Variants in ZPLD1 observed in about 807,000 individuals in gnomAD.
The protein encoded by ZPLD1 is zona pellucida like domain containing 1.
In ZPLD1, 34 loss-of-function variants were observed where a neutral mutation model predicts 47.2. The observed-to-expected ratio is 0.72, with a 90% confidence interval of 0.55 to 0.96. The LOEUF (loss-of-function observed/expected upper bound fraction) is 0.96, where lower values mean the gene tolerates loss of function less well. Ranked by LOEUF, ZPLD1 falls within the 40% of genes least tolerant of loss-of-function variation. The pLI is 0.00. For missense variants in ZPLD1, 512 were observed against 505.8 expected, an observed-to-expected ratio of 1.01 and a Z score of -0.12; for synonymous variants, 176 against 186.2, an observed-to-expected ratio of 0.95 and a Z score of 0.45.
chr3:102,456,795 C>T (rs546646201), intron 5 of ZPLD1, among the ~76,000 whole-genome samples: 280 of 152,296 alleles, frequency 1.8e-3, no homozygotes, highest in South Asian at 4.8e-3. Context: ...CTTGGCTTCC[C>T]TCTTGGCCAT....
chr3:102,431,338 A>T (rs1341661308), upstream of ZPLD1, among the ~76,000 whole-genome samples: 1 of 152,090 alleles, frequency 6.6e-6, no homozygotes, highest in African/African-American at 2.4e-5. Context: ...TTGGCTCAAC[A>T]TATTTCCTTC....
At chr3:102,386,009 G>A (rs1054998320) in intron 6 of ZPLD1, among the ~76,000 whole-genome samples, 3 of 152,016 alleles carry the variant, frequency 2.0e-5, no homozygotes, top group South Asian at 4.2e-4. Flanking sequence ...GGGTTTCTTC[G>A]AACCGGTAGT....
At chr3:102,402,699 C>CT (rs1706635645) in intron 7 of ZPLD1, among the ~76,000 whole-genome samples, 1 of 151,892 alleles carries the variant, frequency 6.6e-6, no homozygotes, top group South Asian at 2.1e-4. Flanking sequence ...AATGAGAATG[C>CT]TTTTTAAATG....
At position 102,417,395 on chromosome 3, in the gene ZPLD1, C is replaced by G. The variant is rs1251981728; in HGVS notation, c.-156-665C>G. 2.0e-5 allele frequency among the ~76,000 whole-genome samples: 3 copies of G among 151,982 alleles called. No homozygotes were observed. The East Asian group carries it at 5.8e-4, about 29-fold the overall frequency. ...GTGGTGCCTGTGTCGCAGGTTCCCA[C>G]TCTTCTTTCCAAAGAGGAATCATAA... On this transcript the variant is annotated intron_variant, in intron 7 of 17. Transcript: ENST00000491959.
intron 3 of ZPLD1, among the ~76,000 whole-genome samples, chr3:102,451,981 T>C (rs564994715): frequency 6.6e-6 from 1 of 152,200 alleles, no homozygotes; most frequent in Admixed American, 6.5e-5. Context: ...TAATTCAACC[T>C]ATAGCAATTA....
chr3:102,440,426 A>C (rs931549757), intron 3 of ZPLD1, among the ~76,000 whole-genome samples: 5 of 152,152 alleles, frequency 3.3e-5, no homozygotes, highest in Non-Finnish European at 7.4e-5. Context: ...AGATTAAAGG[A>C]TGTTTTTAAC....
At chr3:102,401,805 T>G (rs1706623023) in intron 7 of ZPLD1, among the ~76,000 whole-genome samples, 1 of 152,134 alleles carries the variant, frequency 6.6e-6, no homozygotes, top group Admixed American at 6.6e-5. Flanking sequence ...ATTTAAATTC[T>G]TAAGCTGTTG....
Position 102,471,243 on chromosome 3 carries a change from G to T in ZPLD1, c.1042+741G>T, listed in dbSNP as rs749545901. 7.0e-4 allele frequency among the ~76,000 whole-genome samples: 107 copies of T among 152,170 alleles called. 1 individual carries two copies. Among genetic ancestry groups the T allele is most frequent in the Non-Finnish European group, 2.6e-4 (18 of 68,016 alleles). Reference sequence around the variant, plus strand: ...TGCTGTAAGCAGATGGGAGGGCACAGAAATTGTGGCGTCCACAGGGCTCCT... The same window carrying T: ...TGCTGTAAGCAGATGGGAGGGCACATAAATTGTGGCGTCCACAGGGCTCCT... On this transcript the variant is annotated intron_variant, in intron 10 of 11. Transcript: ENST00000466937.
chr3:102,395,728 C>T (rs1055193924), intron 7 of ZPLD1, among the ~76,000 whole-genome samples: 2 of 152,158 alleles, frequency 1.3e-5, no homozygotes, highest in Non-Finnish European at 2.9e-5. Context: ...ATTACTTTGT[C>T]TCCAAGGTGT....
At chr3:102,398,097 G>T (rs545355218) in intron 7 of ZPLD1, among the ~76,000 whole-genome samples, 1 of 152,184 alleles carries the variant, frequency 6.6e-6, no homozygotes, top group South Asian at 2.1e-4. Flanking sequence ...CAAAGAGGAG[G>T]TTTGATGCCA....
intron 8 of ZPLD1, among the ~76,000 whole-genome samples, chr3:102,466,140 A>G (rs1315594560): frequency 1.3e-5 from 2 of 152,196 alleles, no homozygotes; most frequent in African/African-American, 4.8e-5. Context: ...CCTTGGTGGC[A>G]AGGCTGGTGA....
At position 102,462,389 on chromosome 3, in the gene ZPLD1, A is replaced by T; in HGVS notation, c.680+11A>T. ...TAATTTGGATGGCAGGTAATTTCAA[A>T]CTCTTGTCTTTTTTAGGTTAAAACT... is the stretch of plus-strand genomic sequence containing the variant. On this transcript the variant is annotated intron_variant, in intron 7 of 11. Transcript: ENST00000466937. The T allele has an allele frequency of 6.3e-7, 1 of 1,588,902 alleles. No homozygotes were observed. Among genetic ancestry groups the T allele is most frequent in the Non-Finnish European group, 8.6e-7 (1 of 1,163,800 alleles).
intron 5 of ZPLD1, 80 bp downstream of exon 5, chr3:102,456,454 A>G (rs1559757379): frequency 8.2e-7 from 1 of 1,225,648 alleles, no homozygotes; most frequent in South Asian, 1.4e-5. Context: ...ACTTAGAAAG[A>G]TAGCAGGATT....
chr3:102,426,770 G>A (rs1462167143), intron 8 of ZPLD1, among the ~76,000 whole-genome samples: 1 of 152,094 alleles, frequency 6.6e-6, no homozygotes, highest in African/African-American at 2.4e-5. Context: ...TGATCCAACT[G>A]GCTAAAACTT....
chr3:102,450,002 A>G (rs1054381407), intron 3 of ZPLD1, among the ~76,000 whole-genome samples: 1 of 152,184 alleles, frequency 6.6e-6, no homozygotes, highest in African/African-American at 2.4e-5. Flanking sequence ...TGGGACTTAT[A>G]GTTTATTAAG....
chr3:102,417,948 A>G (rs1706828297), intron 7 of ZPLD1: 1 of 152,416 alleles, frequency 6.6e-6, no homozygotes, highest in Non-Finnish European at 1.5e-5. Context: ...AGGTCCCTAA[A>G]AGATGAGCTC....
chr3:102,431,644 C>T (rs1484508314), upstream of ZPLD1, among the ~76,000 whole-genome samples: 1 of 152,202 alleles, frequency 6.6e-6, no homozygotes, highest in African/African-American at 2.4e-5. Flanking sequence ...CATGATGGCT[C>T]ATGCCTGTAA....
At chr3:102,413,321 C>T (rs530043460) in intron 7 of ZPLD1, among the ~76,000 whole-genome samples, 1 of 151,896 alleles carries the variant, frequency 6.6e-6, no homozygotes, top group East Asian at 1.9e-4. Flanking sequence ...TGGTCATAGA[C>T]ACTTTCTCCA....
chr3:102,435,724 G>A (rs1707080172), intron 1 of ZPLD1, among the ~76,000 whole-genome samples: 1 of 147,532 alleles, frequency 6.8e-6, no homozygotes, highest in Non-Finnish European at 1.5e-5. Context: ...CTCACTGTAA[G>A]CTCCGCCTCC....
Sources: allele counts gnomAD v4.1 joint callset (sites outside exome capture counted in the v4.1 genomes callset), GRCh38; gene constraint gnomAD v4.1.1; transcripts MANE v1.5; gene names NCBI Gene and HGNC (gene_info 2026-07-23, HGNC 2026-07-21).